The following NOTCH1 variants were observed in gnomAD, a reference collection of about 807,000 sequenced individuals.
The protein encoded by NOTCH1 is neurogenic locus notch homolog protein 1.
NOTCH1 carries 37 observed loss-of-function variants against 254.8 expected under a neutral mutation model. That is an observed-to-expected ratio of 0.15 (90% confidence interval 0.11 to 0.19). The LOEUF is 0.19. Ranked by LOEUF, NOTCH1 falls within the 10% of genes least tolerant of loss-of-function variation. NOTCH1 has a pLI of 1.00. For synonymous variants in NOTCH1, 1,731 were observed against 1,618.1 expected, an observed-to-expected ratio of 1.07 and a Z score of -1.68; for missense variants, 2,972 against 3,708.6, an observed-to-expected ratio of 0.80 and a Z score of 5.16.
intron 2 of NOTCH1, among the ~76,000 whole-genome samples, chr9:136,533,287 G>A (rs1256643054): frequency 2.2e-5 from 1 of 45,238 alleles, no homozygotes; most frequent in Admixed American, 2.1e-4. Flanking sequence ...AGCCCCCTCC[G>A]CGCACCAGCC....
Position 136,523,220 on chromosome 9 carries a change from GC to G in NOTCH1, c.404-33del, listed in dbSNP as rs1280102240. The G allele has an allele frequency of 2.6e-6, 4 of 1,563,312 alleles. No homozygotes were observed. In the African/African-American group the frequency reaches 5.4e-5, roughly 21 times the overall value. Reference sequence around the variant, plus strand: ...ACAAGGGGACAAGAGGGTCGTGCTGGCCTCACTGCTCCCCGAGGCCGGGCCT... The same window carrying G: ...ACAAGGGGACAAGAGGGTCGTGCTGGCTCACTGCTCCCCGAGGCCGGGCCT... On this transcript the variant is annotated intron_variant, in intron 3 of 33. Transcript: ENST00000651671.
chr9:136,511,380 G>T, intron 15 of NOTCH1, 109 bp from the exon 16 acceptor site: 2 of 1,407,526 alleles, frequency 1.4e-6, no homozygotes, highest in Non-Finnish European at 1.9e-6. Context: ...TGCTGGTCCC[G>T]CCGGGAGGCA....
chr9:136,502,898 A>G, intron 27 of NOTCH1: 2 of 648,050 alleles, frequency 3.1e-6, no homozygotes, highest in South Asian at 1.6e-5. Flanking sequence ...TGATTTTGAA[A>G]TAATACCCAA....
intron 2 of NOTCH1, among the ~76,000 whole-genome samples, chr9:136,539,824 C>T (rs1046470771): frequency 2.6e-5 from 4 of 152,186 alleles, no homozygotes; most frequent in Non-Finnish European, 2.9e-5. Flanking sequence ...AGAGCCAGAC[C>T]GGGTGACAGG....
rs763870136 is a variant in NOTCH1 at position 136,495,609 on chromosome 9, G to C, written c.*462C>G. On this transcript the variant is annotated 3_prime_UTR_variant, in exon 34 of 34. Coordinates refer to ENST00000651671, the MANE Select transcript of NOTCH1 (RefSeq NM_017617.5). ...CGGGCTGGCTTGGGGTTGGGTGGGC[G>C]TCGGGGAAAGGGCGCGGCCTGGACG... The C allele has an allele frequency of 2.5e-6, 1 of 399,826 alleles. No homozygotes were observed. Among genetic ancestry groups the C allele is most frequent in the Admixed American group, 4.4e-5 (1 of 22,856 alleles). 24.8% of individuals were successfully genotyped at this position (399,826 alleles called of 1,614,324 possible).
chr9:136,503,021 G>A (rs868034863), intron 27 of NOTCH1, 161 bp downstream of exon 27: 15 of 1,029,058 alleles, frequency 1.5e-5, no homozygotes, highest in Middle Eastern at 4.0e-4. Flanking sequence ...AGGTGGGGGC[G>A]GAGTGCCATT....
In NOTCH1 at chr9:136,506,636, C is replaced by T. The variant is rs762091081; in HGVS notation, c.3905G>A (p.Arg1302His). The change falls in exon 24 of 34, where the codon CGC (arginine) becomes CAC (histidine). Residue 1302 changes from arginine (R) to histidine (H), a missense_variant. By Grantham distance (29) the Arg-to-His change is conservative. Coordinates refer to ENST00000651671, the MANE Select transcript of NOTCH1 (RefSeq NM_017617.5). This position sits in a 1 kb window ranked among gnomAD's most constrained non-coding sequence, Gnocchi z 4.5. The stretch of plus-strand genomic sequence containing the variant: ...GCCATTGATGACGGACTCGCAGCGG[C>T]GCCCTAGGGGTAAGAGCAGGGCAGT... ...HCECRAGHTG[R>H]RCESVINGCK... 1.2e-5 allele frequency: 20 copies of T among 1,605,830 alleles called. No homozygotes were observed. The highest frequency in any genetic ancestry group is 1.0e-4 in the Admixed American group (6 of 58,962).
chr9:136,509,151 C>T (rs1843138029), intron 18 of NOTCH1, 80 bp from the exon 19 acceptor site: 3 of 1,342,800 alleles, frequency 2.2e-6, no homozygotes, highest in African/African-American at 1.4e-5. Context: ...CTCGCCAGCA[C>T]CTCCCCTTCT....
At chr9:136,508,842 C>T (rs754181093) in intron 19 of NOTCH1, 28 bp downstream of exon 19, 68 of 1,530,582 alleles carry the variant, frequency 4.4e-5, no homozygotes, top group South Asian at 1.4e-4. Context: ...GCCCCTCCTT[C>T]GGGCACCTCT....
rs587778560 is a variant in NOTCH1, at chr9:136,513,498, G to C, written c.2247C>G (p.Asn749Lys). The change falls in exon 14 of 34, where the codon AAC becomes AAG. Residue 749 changes from asparagine (N) to lysine (K), a missense_variant. Asn to Lys is a moderately conservative substitution (Grantham distance 94). Around this residue, in one of 8 missense-constraint regions of NOTCH1, gnomAD observed 1,343 missense variants for 1,557.0 expected, o/e 0.86. Transcript: ENST00000651671. This position sits in a 1 kb window ranked among gnomAD's most constrained non-coding sequence, Gnocchi z 4.7. Reference protein sequence around the residue: ...CDCDPGWSGTNCDINNNECES... With the variant: ...CDCDPGWSGTKCDINNNECES... ...CACACTCATTGTTGTTGATGTCACA[G>C]TTGGTCCCACTCCACCCAGGGTCAC... The C allele has an allele frequency of 1.2e-6, 2 of 1,613,194 alleles. No homozygotes were observed.
chr9:136,531,999 A>G lies in NOTCH1; in HGVS notation c.141-8020T>C, dbSNP rs115123740. ...TCCCAGCGCCCAGCCCGGCTCACAT[A>G]CTGGCCCACTGTGCCCCTGGCACCC... is the stretch of plus-strand genomic sequence containing the variant. On this transcript the variant is annotated intron_variant, in intron 2 of 33. Transcript: ENST00000651671. 6.2e-3 allele frequency among the ~76,000 whole-genome samples: 948 copies of G among 152,224 alleles called. 11 individuals carry two copies. Among genetic ancestry groups the G allele is most frequent in the African/African-American group, 0.021 (862 of 41,534 alleles).
intron 2 of NOTCH1, among the ~76,000 whole-genome samples, chr9:136,528,122 G>A (rs997938329): frequency 3.3e-5 from 5 of 151,636 alleles, no homozygotes; most frequent in Non-Finnish European, 7.4e-5. Context: ...AAATGAGAAG[G>A]AGGGGTGAGA....
intron 31 of NOTCH1, among the ~76,000 whole-genome samples, chr9:136,500,102 T>C (rs1842972842): frequency 6.6e-6 from 1 of 152,162 alleles, no homozygotes; most frequent in South Asian, 2.1e-4. Context: ...TGCCACGAGC[T>C]CACCGGCAAG....
At chr9:136,518,049 C>A (rs968741181) in intron 7 of NOTCH1, 88 bp downstream of exon 7, 30 of 1,553,352 alleles carry the variant, frequency 1.9e-5, no homozygotes. Context: ...TCTAACTGGG[C>A]ACCCCCTGAA....
chr9:136,514,091 C>G (rs1331219422), intron 13 of NOTCH1, among the ~76,000 whole-genome samples: 1 of 152,212 alleles, frequency 6.6e-6, no homozygotes, highest in Non-Finnish European at 1.5e-5. Context: ...AGCCCCCCAC[C>G]ACTTGCCCGC....
Position 136,508,151 on chromosome 9 carries a change from G to A in NOTCH1, c.3326-12C>T, listed in dbSNP as rs1346042597. 1.2e-6 allele frequency: 2 copies of A among 1,607,918 alleles called. No homozygotes were observed. The highest frequency in any genetic ancestry group is 2.7e-5 in the African/African-American group (2 of 74,914). On this transcript the variant is annotated splice_polypyrimidine_tract_variant and intron_variant, in intron 20 of 33. Coordinates refer to ENST00000651671, the MANE Select transcript of NOTCH1 (RefSeq NM_017617.5). ...GGCAACGTCAACACCTGCGGGGGATGGGGTGGTAGACAGGTGAGGCCCAGG... is the reference window on the plus strand; with the variant it reads ...GGCAACGTCAACACCTGCGGGGGATAGGGTGGTAGACAGGTGAGGCCCAGG...
At chr9:136,505,910 C>CGGGGT (rs1214028012) in intron 24 of NOTCH1, 29 bp from the exon 25 acceptor site, 1 of 1,551,552 alleles carries the variant, frequency 6.4e-7, no homozygotes, top group African/African-American at 1.4e-5. Context: ...AGGACGGTGT[C>CGGGGT]GGGGTGGGCC....
chr9:136,509,933 T>C lies in NOTCH1; in HGVS notation c.2769A>G (p.Thr923=), dbSNP rs201985795. The change falls in exon 18 of 34, where the codon ACA becomes ACG. Residue 923 remains threonine (T), a synonymous_variant. Coordinates refer to ENST00000651671, the MANE Select transcript of NOTCH1 (RefSeq NM_017617.5). ...PNPCHNGGSC[T]DGINTAFCDC... is the part of the protein sequence containing the mutation. ...CGCAGAAGGCCGTGTTGATGCCGTC[T>C]GTGCAGGAGCCCCCGTTGTGACACG... is the stretch of plus-strand genomic sequence containing the variant. 835 of 1,613,236 alleles carry C rather than the reference T, an allele frequency of 5.2e-4. 1 individual carries two copies. In the African/African-American group the frequency reaches 0.01, roughly 20 times the overall value.
rs1589054533 is a variant in NOTCH1 at position 136,499,131 on chromosome 9, G to A, written c.6063C>T (p.Val2021=). The A allele has an allele frequency of 1.2e-6, 2 of 1,613,236 alleles. No individual in the cohort carries two copies. The highest frequency in any genetic ancestry group is 3.3e-5 in the Admixed American group (2 of 60,032). Residue 2021 remains valine, a synonymous_variant, in exon 32 of 34, where the codon GTC becomes GTT. Coordinates refer to ENST00000651671, the MANE Select transcript of NOTCH1 (RefSeq NM_017617.5). ...LEDLINSHAD[V]NAVDDLGKSA... ...GCTCACCCAGGTCATCTACGGCGTT[G>A]ACGTCGGCGTGTGAGTTGATGAGGT...
Sources: allele counts gnomAD v4.1 joint callset (sites outside exome capture counted in the v4.1 genomes callset), GRCh38; gene constraint gnomAD v4.1.1; regional missense constraint gnomAD v4.1.1; non-coding constraint Gnocchi (gnomAD v3.1); transcripts MANE v1.5; gene names NCBI Gene and HGNC (gene_info 2026-07-23, HGNC 2026-07-21).